The following MBTPS1 variants were observed in gnomAD, a reference collection of about 807,000 sequenced individuals.
MBTPS1 encodes membrane bound transcription factor peptidase, site 1, also known as membrane-bound transcription factor site-1 protease.
Under a neutral mutation model 127.8 loss-of-function variants are expected in MBTPS1, and 94 were observed. The ratio of observed to expected loss-of-function variants is 0.74; its 90% CI spans 0.62 to 0.87. The LOEUF (loss-of-function observed/expected upper bound fraction) is 0.87. MBTPS1 is among the 40% of genes least tolerant of loss of function. The pLI is 0.00. For synonymous variants in MBTPS1, 632 were observed against 509.4 expected (o/e 1.24, Z -3.24); for missense variants, 1,636 against 1,353.2 (o/e 1.21, Z -3.28).
intron 21 of MBTPS1, 105 bp from the exon 22 acceptor site, chr16:84,056,240 G>A (rs564041263): frequency 3.5e-5 from 33 of 951,748 alleles, no homozygotes; most frequent in East Asian, 1.6e-4. Context: ...AGTGATCTAC[G>A]GGGAGATGTG....
chr16:84,059,301 C>A lies in MBTPS1; in HGVS notation c.2831+1G>T, dbSNP rs762644491. ...GTGGAAGGGCACAGGCGGACACTAACCTGGGCGCCGTCTCGTTTAAAGGCT... is the reference window on the plus strand; with the variant it reads ...GTGGAAGGGCACAGGCGGACACTAAACTGGGCGCCGTCTCGTTTAAAGGCT... On this transcript the variant is annotated splice_donor_variant, in intron 21 of 22. Coordinates refer to ENST00000343411, the MANE Select transcript of MBTPS1 (RefSeq NM_003791.4). LOFTEE classifies it high-confidence loss of function. 9.9e-6 allele frequency: 16 copies of A among 1,613,004 alleles called. No homozygotes were observed. Among genetic ancestry groups the A allele is most frequent in the Non-Finnish European group, 1.4e-5 (16 of 1,179,088 alleles).
chr16:84,112,638 G>A (rs1051874322), intron 1 of MBTPS1, among the ~76,000 whole-genome samples: 3 of 148,604 alleles, frequency 2.0e-5, no homozygotes, highest in African/African-American at 7.5e-5. Context: ...CTCCAGCCCG[G>A]GCAACAGAGC....
chr16:84,113,988 C>G (rs1024577500), intron 1 of MBTPS1, among the ~76,000 whole-genome samples: 17 of 133,586 alleles, frequency 1.3e-4, no homozygotes, highest in Non-Finnish European at 2.3e-4. Flanking sequence ...TTTTTTGAGA[C>G]GGAGTCTCGC....
chr16:84,089,671 CAG>C (rs545508109), intron 8 of MBTPS1, among the ~76,000 whole-genome samples: 2 of 152,298 alleles, frequency 1.3e-5, no homozygotes, highest in East Asian at 3.9e-4. Flanking sequence ...AGCTGAGGCT[CAG>C]AGAAGTGACG....
intron 2 of MBTPS1, among the ~76,000 whole-genome samples, chr16:84,100,830 T>C (rs1052409844): frequency 6.6e-6 from 1 of 151,844 alleles, no homozygotes; most frequent in Non-Finnish European, 1.5e-5. Flanking sequence ...AAAGTTAACA[T>C]TCATGTGCTG....
At chr16:84,081,656 C>T (rs2151156337) in intron 11 of MBTPS1, 91 bp downstream of exon 11, 1 of 1,044,834 alleles carries the variant, frequency 9.6e-7, no homozygotes, top group Non-Finnish European at 1.3e-6. Flanking sequence ...TCATCATTTT[C>T]TGTTTTGAGG....
chr16:84,099,149 T>C lies in MBTPS1; in HGVS notation c.325A>G (p.Lys109Glu). The change falls in exon 3 of 23, where the codon AAA becomes GAA. Residue 109 changes from lysine to glutamate, a missense_variant. Physicochemically the swap from Lys to Glu is moderately conservative, Grantham distance 56 (BLOSUM62 1). Transcript: ENST00000343411. Reference protein sequence around the residue: ...SDFEVIQIKEKQKAGLLTLED... With the variant: ...SDFEVIQIKEEQKAGLLTLED... ...AGTGTTAGCAGCCCCGCTTTCTGTT[T>C]TTCTTTTATCTGAATCACCTCAAAA... 1 of 1,614,200 alleles carries C rather than the reference T, an allele frequency of 6.2e-7. No homozygotes were observed. Among genetic ancestry groups the C allele is most frequent in the Non-Finnish European group, 8.5e-7 (1 of 1,180,044 alleles).
intron 21 of MBTPS1, chr16:84,057,092 C>G (rs2085533366): frequency 6.6e-6 from 1 of 152,244 alleles, no homozygotes; most frequent in African/African-American, 2.4e-5. Context: ...GGCTGAAAGT[C>G]AACGCCAAGC....
chr16:84,054,760 G>C, intron 22 of MBTPS1, 115 bp from the exon 23 acceptor site: 1 of 728,330 alleles, frequency 1.4e-6, no homozygotes, highest in Non-Finnish European at 2.1e-6. Context: ...TCACTAGCTG[G>C]GCTTGCAGGG....
chr16:84,074,573 G>T, intron 12 of MBTPS1, 24 bp downstream of exon 12: 1 of 1,609,738 alleles, frequency 6.2e-7, no homozygotes, highest in Non-Finnish European at 8.5e-7. Flanking sequence ...TCAAGTCAGA[G>T]ACCAAGTCAG....
chr16:84,063,585 T>C (rs1363727476), intron 18 of MBTPS1, 140 bp from the exon 19 acceptor site: 5 of 792,286 alleles, frequency 6.3e-6, no homozygotes, highest in East Asian at 2.7e-5. Context: ...ATTTTTAGAA[T>C]AGAAAAGCCT....
At chr16:84,099,429 G>GA in intron 2 of MBTPS1, 119 bp from the exon 3 acceptor site, 1 of 995,486 alleles carries the variant, frequency 1.0e-6, no homozygotes, top group Non-Finnish European at 1.4e-6. Flanking sequence ...CACAGCAGAC[G>GA]AGAGAAAACA....
At chr16:84,074,385 C>T (rs1291969873) in intron 12 of MBTPS1, among the ~76,000 whole-genome samples, 1 of 152,190 alleles carries the variant, frequency 6.6e-6, no homozygotes, top group Non-Finnish European at 1.5e-5. Flanking sequence ...CGGGCACACA[C>T]CACCATCCCT....
intron 19 of MBTPS1, among the ~76,000 whole-genome samples, chr16:84,063,043 G>A (rs757190876): frequency 2.6e-5 from 4 of 152,014 alleles, no homozygotes; most frequent in Admixed American, 6.5e-5. Context: ...TCCCGCCTCC[G>A]CTGGCCTCAG....
chr16:84,067,266 T>TAA (rs2085699522), intron 16 of MBTPS1, among the ~76,000 whole-genome samples: 1 of 152,200 alleles, frequency 6.6e-6, no homozygotes, highest in African/African-American at 2.4e-5. Context: ...CTCTATATTA[T>TAA]TAACAGTACT....
intron 22 of MBTPS1, among the ~76,000 whole-genome samples, chr16:84,055,639 G>A (rs1389768011): frequency 6.6e-6 from 1 of 151,966 alleles, no homozygotes; most frequent in Non-Finnish European, 1.5e-5. Context: ...GCTGCCATTG[G>A]CTGGGACCCA....
chr16:84,109,973 A>G (rs1465493953), intron 1 of MBTPS1, among the ~76,000 whole-genome samples: 2 of 152,228 alleles, frequency 1.3e-5, no homozygotes, highest in East Asian at 3.8e-4. Context: ...GCTTTAGAGA[A>G]AAAATGGTTT....
intron 14 of MBTPS1, among the ~76,000 whole-genome samples, chr16:84,069,613 T>C (rs1176320798): frequency 1.3e-5 from 2 of 152,182 alleles, no homozygotes; most frequent in African/African-American, 4.8e-5. Flanking sequence ...CTGACAGCTT[T>C]GCTGACTGGC....
At chr16:84,060,365 C>A in intron 20 of MBTPS1, 1 of 233,298 alleles carries the variant, frequency 4.3e-6, no homozygotes, top group Non-Finnish European at 8.5e-6. Flanking sequence ...GGTGATTCTT[C>A]CTGAAGATCT....
Sources: gnomAD v4.1 joint callset for allele counts (sites outside exome capture counted in the v4.1 genomes callset) on GRCh38, gnomAD v4.1.1 for gene constraint, MANE v1.5 for transcripts, NCBI Gene and HGNC (gene_info 2026-07-23, HGNC 2026-07-21) for gene names.